Variants in SSBP2 observed in about 807,000 individuals in gnomAD.
SSBP2 encodes the protein single stranded DNA binding protein 2, also known as single-stranded DNA-binding protein 2.
SSBP2 carries 17 observed loss-of-function variants against 61.8 expected under a neutral mutation model. The ratio of observed to expected loss-of-function variants is 0.28; its 90% CI spans 0.19 to 0.41. The LOEUF (loss-of-function observed/expected upper bound fraction) is 0.41. Among genes scored for constraint, SSBP2 ranks in the 10% least tolerant of loss-of-function variants. SSBP2 has a pLI of 1.00. For synonymous variants in SSBP2, 139 were observed against 141.3 expected (o/e 0.98, Z 0.12); for missense variants, 310 against 458.7 (o/e 0.68, Z 2.96).
chr5:81,582,892 C>G (rs922656605), intron 4 of SSBP2, among the ~76,000 whole-genome samples: 1 of 152,074 alleles, frequency 6.6e-6, no homozygotes. Context: ...CGCACCTGGC[C>G]TTACTGTCTT....
intron 6 of SSBP2, among the ~76,000 whole-genome samples, chr5:81,475,829 T>G (rs1337282649): frequency 2.6e-5 from 4 of 152,006 alleles, no homozygotes; most frequent in African/African-American, 9.7e-5. Context: ...CTCCTTCCAT[T>G]TGTGTGTGTG....
chr5:81,474,464 C>T (rs562808709), intron 7 of SSBP2, 32 bp downstream of exon 7: 65 of 1,586,150 alleles, frequency 4.1e-5, no homozygotes, highest in Non-Finnish European at 5.3e-5. Context: ...TGGTTCTGCA[C>T]ATCAATTTTC....
intron 1 of SSBP2, among the ~76,000 whole-genome samples, chr5:81,686,945 T>C (rs1561692287): frequency 6.8e-6 from 1 of 148,108 alleles, no homozygotes. Flanking sequence ...TGGAGAAAGA[T>C]GGCCAAATAG....
At chr5:81,572,596 G>C (rs1391531708) in intron 4 of SSBP2, among the ~76,000 whole-genome samples, 1 of 152,130 alleles carries the variant, frequency 6.6e-6, no homozygotes, top group East Asian at 1.9e-4. Context: ...GAGTTAATGT[G>C]TTTTGGAACT....
At chr5:81,706,048 C>CAGT (rs1754364661) in intron 1 of SSBP2, among the ~76,000 whole-genome samples, 1 of 151,962 alleles carries the variant, frequency 6.6e-6, no homozygotes, top group Non-Finnish European at 1.5e-5. Flanking sequence ...TGCACTCATA[C>CAGT]GCTGATCACA....
rs1180901527 is a variant in SSBP2, at chr5:81,418,181, T to C, written c.*2323A>G. The C allele has an allele frequency of 6.6e-6, 1 of 152,240 alleles. No individual in the cohort carries two copies. Among genetic ancestry groups the C allele is most frequent in the East Asian group, 1.9e-4 (1 of 5,198 alleles). The allele number at this position is 152,240 out of a possible 1,614,324, so 9.4% of individuals were successfully genotyped here. A position where few individuals can be genotyped will look rare whatever the true frequency, so the allele number is the denominator to read the frequency against. On this transcript the variant is annotated 3_prime_UTR_variant, in exon 17 of 17. Coordinates refer to ENST00000320672, the MANE Select transcript of SSBP2 (RefSeq NM_012446.5). ...AAAATATGAAAGTCAAAATTCTTCT[T>C]GGTAAAGTCAGGTGTCTGGACAAAC...
At chr5:81,484,565 G>A (rs747234397) in intron 6 of SSBP2, among the ~76,000 whole-genome samples, 2 of 151,926 alleles carry the variant, frequency 1.3e-5, no homozygotes, top group African/African-American at 2.4e-5. Flanking sequence ...AAATCTTAGT[G>A]TAATTATCAT....
intron 6 of SSBP2, among the ~76,000 whole-genome samples, chr5:81,485,600 T>C (rs1766321779): frequency 2.6e-5 from 4 of 152,214 alleles, no homozygotes; most frequent in African/African-American, 9.6e-5. Flanking sequence ...TAATAAAACA[T>C]AACGTCATTA....
chr5:81,576,126 G>A (rs555292300), intron 4 of SSBP2, among the ~76,000 whole-genome samples: 3 of 151,594 alleles, frequency 2.0e-5, no homozygotes, highest in Non-Finnish European at 2.9e-5. Context: ...GTTCATAGTA[G>A]CATTCAGACT....
chr5:81,510,021 CTTT>C lies in SSBP2; in HGVS notation c.372+3604_372+3606del, dbSNP rs377140706. ...AACACTGCATCTGTAATGGGTTCTT[CTTT>C]TGTTCATCTTTTAAATATTAGTGTT... On this transcript the variant is annotated intron_variant, in intron 5 of 16. Transcript: ENST00000320672. 2.2e-4 allele frequency among the ~76,000 whole-genome samples: 34 copies of C among 152,280 alleles called. No homozygotes were observed. The Middle Eastern group carries it at 0.01, about 46-fold the overall frequency.
At chr5:81,544,410 T>C (rs1771570686) in intron 4 of SSBP2, among the ~76,000 whole-genome samples, 1 of 152,186 alleles carries the variant, frequency 6.6e-6, no homozygotes, top group African/African-American at 2.4e-5. Context: ...GGCATCTTTT[T>C]ATTGACCAGC....
intron 1 of SSBP2, among the ~76,000 whole-genome samples, chr5:81,670,298 A>C (rs1217264862): frequency 6.6e-6 from 1 of 152,196 alleles, no homozygotes; most frequent in African/African-American, 2.4e-5. Flanking sequence ...TATATCTTCC[A>C]CGCAATTTGC....
At chr5:81,437,206 T>C (rs1307035654) in intron 15 of SSBP2, among the ~76,000 whole-genome samples, 1 of 151,970 alleles carries the variant, frequency 6.6e-6, no homozygotes, top group Non-Finnish European at 1.5e-5. Context: ...GTATGTCCTA[T>C]TAATGAATCT....
At chr5:81,522,911 C>T (rs1287131099) in intron 4 of SSBP2, among the ~76,000 whole-genome samples, 1 of 151,850 alleles carries the variant, frequency 6.6e-6, no homozygotes, top group African/African-American at 2.4e-5. Flanking sequence ...CTTTAGGCTT[C>T]CAAAAGAGCA....
chr5:81,486,897 C>CGGGAG (rs1561457779), intron 6 of SSBP2, among the ~76,000 whole-genome samples: 7 of 152,158 alleles, frequency 4.6e-5, no homozygotes, highest in African/African-American at 1.7e-4. Context: ...CAAAGTTCTC[C>CGGGAG]CCTGGGGGTG....
At chr5:81,692,223 T>C (rs553047144) in intron 1 of SSBP2, among the ~76,000 whole-genome samples, 1 of 152,004 alleles carries the variant, frequency 6.6e-6, no homozygotes, top group African/African-American at 2.4e-5. Context: ...CAATGAACAA[T>C]CTGAAAAATA....
chr5:81,652,731 A>G (rs919264659), intron 1 of SSBP2, among the ~76,000 whole-genome samples: 3 of 151,992 alleles, frequency 2.0e-5, no homozygotes, highest in South Asian at 4.2e-4. Flanking sequence ...TGATGACTCC[A>G]TAATACATGA....
chr5:81,446,615 T>C (rs1282483441), intron 12 of SSBP2, among the ~76,000 whole-genome samples: 1 of 152,182 alleles, frequency 6.6e-6, no homozygotes, highest in Non-Finnish European at 1.5e-5. Context: ...GTTAGACACA[T>C]TTTTGGGCAA....
chr5:81,666,556 T>C (rs1751153932), intron 1 of SSBP2, among the ~76,000 whole-genome samples: 2 of 152,178 alleles, frequency 1.3e-5, no homozygotes, highest in South Asian at 4.1e-4. Flanking sequence ...ACTATCAACT[T>C]TGGAGAACTG....
Sources: allele counts gnomAD v4.1 joint callset (sites outside exome capture counted in the v4.1 genomes callset), GRCh38; gene constraint gnomAD v4.1.1; transcripts MANE v1.5; gene names NCBI Gene and HGNC (gene_info 2026-07-23, HGNC 2026-07-21).